CNOT4: variants seen among roughly 807,000 people sequenced by gnomAD.
CNOT4 encodes CCR4-associated factor 4.
Under a neutral mutation model 73.8 loss-of-function variants are expected in CNOT4, and 8 were observed. The ratio of observed to expected loss-of-function variants is 0.11; its 90% CI spans 0.06 to 0.20. CNOT4 has a LOEUF of 0.20. Ranked by LOEUF, CNOT4 falls within the 10% of genes least tolerant of loss-of-function variation. The pLI, the probability that CNOT4 is intolerant of heterozygous loss-of-function variation, is 1.00. For synonymous variants in CNOT4, 293 were observed against 321.1 expected, an observed-to-expected ratio of 0.91 and a Z score of 0.94; for missense variants, 564 against 883.4, an observed-to-expected ratio of 0.64 and a Z score of 4.58.
intron 1 of CNOT4, among the ~76,000 whole-genome samples, chr7:135,478,412 C>T (rs572072628): frequency 3.3e-5 from 5 of 152,044 alleles, no homozygotes; most frequent in South Asian, 2.1e-4. Flanking sequence ...AGGCCATGAC[C>T]CTTAGCTTAC....
chr7:135,406,882 T>C (rs1267668955), intron 7 of CNOT4, among the ~76,000 whole-genome samples: 1 of 152,196 alleles, frequency 6.6e-6, no homozygotes, highest in African/African-American at 2.4e-5. Flanking sequence ...TGTTAGCAAA[T>C]CTATTAATAA....
At chr7:135,509,406 G>C (rs1012881646) in intron 1 of CNOT4, 2 of 152,950 alleles carry the variant, frequency 1.3e-5, no homozygotes, top group Non-Finnish European at 2.9e-5. Flanking sequence ...GCAGCAGGAC[G>C]AGTGGGCAAT....
chr7:135,421,373 C>T (rs1328009717), intron 3 of CNOT4, among the ~76,000 whole-genome samples: 1 of 152,082 alleles, frequency 6.6e-6, no homozygotes, highest in Non-Finnish European at 1.5e-5. Context: ...TCCCCCAAAA[C>T]CAGCTCTCTC....
intron 10 of CNOT4, among the ~76,000 whole-genome samples, chr7:135,365,786 G>A (rs1414743389): frequency 6.6e-6 from 1 of 152,170 alleles, no homozygotes; most frequent in African/African-American, 2.4e-5. Context: ...TGTGACTAAA[G>A]GAAGAAACTG....
chr7:135,474,864 A>T (rs554100990), intron 1 of CNOT4, among the ~76,000 whole-genome samples: 1 of 152,306 alleles, frequency 6.6e-6, no homozygotes, highest in East Asian at 1.9e-4. Context: ...AATTGCCTCA[A>T]TCTTTTTGAA....
At chr7:135,461,004 A>C (rs996127460) in intron 1 of CNOT4, among the ~76,000 whole-genome samples, 3 of 152,216 alleles carry the variant, frequency 2.0e-5, no homozygotes, top group African/African-American at 7.2e-5. Context: ...AAAATGTAAA[A>C]AGCATTTTTA....
intron 10 of CNOT4, among the ~76,000 whole-genome samples, chr7:135,366,684 G>GC (rs1794933746): frequency 6.6e-6 from 1 of 152,190 alleles, no homozygotes; most frequent in South Asian, 2.1e-4. Context: ...CAGTAAAGCT[G>GC]CAAGTGTTAC....
intron 7 of CNOT4, among the ~76,000 whole-genome samples, chr7:135,399,284 G>C (rs1353551887): frequency 6.6e-6 from 1 of 152,038 alleles, no homozygotes; most frequent in African/African-American, 2.4e-5. Context: ...TAGATGGCAT[G>C]GTTTACTACA....
intron 1 of CNOT4, among the ~76,000 whole-genome samples, chr7:135,463,506 C>T (rs1036164860): frequency 6.7e-6 from 1 of 149,174 alleles, no homozygotes; most frequent in Admixed American, 6.7e-5. Flanking sequence ...CCATGCACTC[C>T]AGCCTGGGGG....
At chr7:135,453,443 G>A (rs1054743549) in intron 1 of CNOT4, among the ~76,000 whole-genome samples, 2 of 151,940 alleles carry the variant, frequency 1.3e-5, no homozygotes, top group Non-Finnish European at 2.9e-5. Flanking sequence ...ATCTCTGCCA[G>A]TGTATCTGTC....
intron 1 of CNOT4, among the ~76,000 whole-genome samples, chr7:135,485,164 C>T (rs911965137): frequency 2.0e-5 from 3 of 152,144 alleles, no homozygotes; most frequent in African/African-American, 7.2e-5. Flanking sequence ...CCTCTGCCTC[C>T]CGGATTCAAG....
intron 1 of CNOT4, among the ~76,000 whole-genome samples, chr7:135,495,690 A>G (rs2696889): frequency 0.026 from 990 of 38,032 alleles, 5 homozygotes; most frequent in East Asian, 0.051. Flanking sequence ...AAAAAAAAAA[A>G]AAAGAAAGAA....
chr7:135,413,199 G>A (rs192647380), intron 6 of CNOT4, among the ~76,000 whole-genome samples: 20 of 151,906 alleles, frequency 1.3e-4, no homozygotes, highest in African/African-American at 4.8e-4. Context: ...AATTCCCTTC[G>A]TGGATCTGTA....
At chr7:135,380,027 A>T (rs1488559224) in intron 10 of CNOT4, among the ~76,000 whole-genome samples, 11 of 152,042 alleles carry the variant, frequency 7.2e-5, no homozygotes, top group Admixed American at 7.2e-4. Context: ...GATTTCTTGC[A>T]TTTCTTCTTG....
intron 7 of CNOT4, among the ~76,000 whole-genome samples, chr7:135,402,283 T>C (rs13222757): frequency 0.22 from 33,132 of 151,844 alleles, 4,172 homozygotes; most frequent in East Asian, 0.52. Context: ...CTAATTTTTG[T>C]ATTTTTAGTA....
intron 6 of CNOT4, among the ~76,000 whole-genome samples, chr7:135,411,091 T>A (rs1009286602): frequency 1.3e-5 from 2 of 152,026 alleles, no homozygotes; most frequent in Admixed American, 6.6e-5. Context: ...ATTTGGAGAT[T>A]AGCACTTGAA....
At chr7:135,408,635 C>A (rs1471030058) in intron 7 of CNOT4, among the ~76,000 whole-genome samples, 2 of 152,158 alleles carry the variant, frequency 1.3e-5, no homozygotes, top group Non-Finnish European at 2.9e-5. Context: ...GGTCCCCTCA[C>A]ACACATAAAC....
intron 1 of CNOT4, among the ~76,000 whole-genome samples, chr7:135,478,927 A>C (rs1802169991): frequency 6.6e-6 from 1 of 152,156 alleles, no homozygotes; most frequent in South Asian, 2.1e-4. Context: ...AATCAGAATA[A>C]ACTGAAAAAT....
intron 1 of CNOT4, among the ~76,000 whole-genome samples, chr7:135,444,061 G>A (rs539626600): frequency 1.3e-5 from 2 of 152,030 alleles, no homozygotes; most frequent in East Asian, 3.9e-4. Context: ...GATCACCTGA[G>A]CCAGGAGGGA....
Sources: allele counts gnomAD v4.1 joint callset (sites outside exome capture counted in the v4.1 genomes callset), GRCh38; gene constraint gnomAD v4.1.1; transcripts MANE v1.5; gene names NCBI Gene and HGNC (gene_info 2026-07-23, HGNC 2026-07-21).